The following UGGT1 variants were observed in gnomAD, a reference collection of about 807,000 sequenced individuals.
The protein encoded by UGGT1 is UDP-glucose glycoprotein glucosyltransferase 1, also known as UDP-glucose:glycoprotein glucosyltransferase 1.
In UGGT1, 107 loss-of-function variants were observed where a neutral mutation model predicts 203.9. The ratio of observed to expected loss-of-function variants is 0.52; its 90% CI spans 0.45 to 0.62. UGGT1 has a LOEUF of 0.62. Among genes scored for constraint, UGGT1 ranks in the 20% least tolerant of loss-of-function variants. The pLI, the probability that UGGT1 is intolerant of heterozygous loss-of-function variation, is 0.00. For synonymous variants in UGGT1, 628 were observed against 653.5 expected (o/e 0.96, Z 0.59); for missense variants, 1,673 against 1,867.2 (o/e 0.90, Z 1.92).
chr2:128,172,552 C>T lies in UGGT1; in HGVS notation c.3105-21C>T, dbSNP rs183651644. ...TGTTGTCACATCGAAAATTATCTAA[C>T]ACTTTCCTTTTCAATTTCAGCTTTT... On this transcript the variant is annotated intron_variant, in intron 28 of 40. Transcript: ENST00000259253. The T allele has an allele frequency of 5.9e-5, 95 of 1,612,780 alleles. No individual in the cohort carries two copies. In the East Asian group the frequency reaches 1.7e-3, roughly 28 times the overall value.
intron 19 of UGGT1, among the ~76,000 whole-genome samples, chr2:128,154,649 C>T (rs62160072): frequency 0.13 from 20,404 of 152,186 alleles, 1,767 homozygotes; most frequent in Non-Finnish European, 0.19. Context: ...TTATTTTCTA[C>T]GGTTTTCCTG....
intron 13 of UGGT1, among the ~76,000 whole-genome samples, chr2:128,129,652 G>C (rs1688783510): frequency 6.6e-6 from 1 of 152,046 alleles, no homozygotes; most frequent in Non-Finnish European, 1.5e-5. Context: ...ACCCACCTCT[G>C]CCTCCCAAAG....
chr2:128,093,538 C>T (rs529654553), intron 1 of UGGT1, among the ~76,000 whole-genome samples: 42 of 152,180 alleles, frequency 2.8e-4, no homozygotes, highest in Non-Finnish European at 4.6e-4. Flanking sequence ...CAGGCCTCCT[C>T]CCTTGGTTTC....
At chr2:128,174,492 G>A (rs1011474655) in intron 30 of UGGT1, among the ~76,000 whole-genome samples, 1 of 151,938 alleles carries the variant, frequency 6.6e-6, no homozygotes, top group African/African-American at 2.4e-5. Context: ...GTAGAGATGG[G>A]GTTTCACCAT....
Position 128,170,266 on chromosome 2 carries a change from T to C in UGGT1, c.2922-22T>C, listed in dbSNP as rs750930793. On this transcript the variant is annotated intron_variant, in intron 26 of 40. Coordinates refer to ENST00000259253, the MANE Select transcript of UGGT1 (RefSeq NM_020120.4). Reference sequence around the variant, plus strand: ...GTTTCCTGTGTCCTCCAGGTTAATGTTTTATCCTTGTGATCTTTCAGTGCA... The same window carrying C: ...GTTTCCTGTGTCCTCCAGGTTAATGCTTTATCCTTGTGATCTTTCAGTGCA... 108 of 1,608,870 alleles carry C rather than the reference T, an allele frequency of 6.7e-5. No homozygotes were observed. The Admixed American group carries it at 1.0e-3, about 15-fold the overall frequency.
intron 17 of UGGT1, among the ~76,000 whole-genome samples, chr2:128,143,517 T>G (rs900943983): frequency 6.6e-6 from 1 of 152,244 alleles, no homozygotes; most frequent in Non-Finnish European, 1.5e-5. Flanking sequence ...TGTGGATGAT[T>G]ATGATATCAA....
chr2:128,111,323 C>G (rs1269038174), intron 5 of UGGT1, among the ~76,000 whole-genome samples: 2 of 152,010 alleles, frequency 1.3e-5, no homozygotes, highest in African/African-American at 4.8e-5. Flanking sequence ...CCACTGCACT[C>G]TACCTTGGGC....
At chr2:128,165,369 G>A (rs1196441906) in intron 26 of UGGT1, among the ~76,000 whole-genome samples, 1 of 152,184 alleles carries the variant, frequency 6.6e-6, no homozygotes, top group East Asian at 1.9e-4. Context: ...CTTCCAGCCT[G>A]AGCAACAGAC....
At chr2:128,138,509 C>G (rs1437918617) in intron 15 of UGGT1, among the ~76,000 whole-genome samples, 3 of 147,836 alleles carry the variant, frequency 2.0e-5, no homozygotes, top group Non-Finnish European at 4.5e-5. Flanking sequence ...GAGTGAAACT[C>G]TGTCTAAAAA....
At chr2:128,124,068 C>T (rs889476970) in intron 11 of UGGT1, among the ~76,000 whole-genome samples, 3 of 152,164 alleles carry the variant, frequency 2.0e-5, no homozygotes, top group African/African-American at 7.2e-5. Context: ...TCCTCAGCCT[C>T]CCAAGTAGCT....
rs201302128 is a variant in UGGT1 at position 128,095,340 on chromosome 2, GTTC to G, written c.59-2078_59-2076del. 4.9e-3 allele frequency among the ~76,000 whole-genome samples: 740 copies of G among 150,936 alleles called. 5 individuals are homozygous for G. Among genetic ancestry groups the G allele is most frequent in the African/African-American group, 0.016 (628 of 40,456 alleles). On this transcript the variant is annotated intron_variant, in intron 1 of 40. Coordinates refer to ENST00000259253, the MANE Select transcript of UGGT1 (RefSeq NM_020120.4). ...GAGTGTTTTTATTTATAAGTGGGAT[GTTC>G]TTCTTCTTCTCCTTCCTCTTCTTCT...
intron 22 of UGGT1, 94 bp downstream of exon 22, chr2:128,157,440 G>A (rs1015336970): frequency 1.1e-6 from 1 of 939,186 alleles, no homozygotes; most frequent in Admixed American, 2.2e-5. Context: ...AGTGGGAGTT[G>A]GGAGTCCTGC....
intron 18 of UGGT1, among the ~76,000 whole-genome samples, chr2:128,146,728 G>C (rs1239128054): frequency 6.6e-6 from 1 of 152,068 alleles, no homozygotes; most frequent in Admixed American, 6.6e-5. Flanking sequence ...ACATCCAGTA[G>C]CAATTACTCC....
At chr2:128,147,413 C>T (rs1406707603) in intron 18 of UGGT1, among the ~76,000 whole-genome samples, 1 of 152,042 alleles carries the variant, frequency 6.6e-6, no homozygotes, top group Non-Finnish European at 1.5e-5. Flanking sequence ...GACATGGTTT[C>T]TTTTAGTTCT....
At chr2:128,093,877 C>T (rs1686984744) in intron 1 of UGGT1, among the ~76,000 whole-genome samples, 1 of 152,178 alleles carries the variant, frequency 6.6e-6, no homozygotes, top group Non-Finnish European at 1.5e-5. Flanking sequence ...ATGCTGTGCA[C>T]TTTGGTAAAC....
intron 4 of UGGT1, 96 bp from the exon 5 acceptor site, chr2:128,109,538 T>C (rs1687756495): frequency 9.7e-7 from 1 of 1,033,768 alleles, no homozygotes; most frequent in East Asian, 2.5e-5. Flanking sequence ...AACAATGTTG[T>C]TTTGTCATAA....
chr2:128,174,936 C>CTAACTGCCAGGGT, intron 31 of UGGT1, 78 bp downstream of exon 31: 1 of 1,228,410 alleles, frequency 8.1e-7, no homozygotes, highest in Non-Finnish European at 1.1e-6. Context: ...ACTACCCTGG[C>CTAACTGCCAGGGT]AGTTAGCCAG....
intron 39 of UGGT1, 121 bp from the exon 40 acceptor site, chr2:128,187,328 T>A: frequency 9.4e-7 from 1 of 1,060,314 alleles, no homozygotes; most frequent in South Asian, 1.8e-5. Flanking sequence ...TGGTAGTATA[T>A]CATTTGGTTC....
At chr2:128,102,424 G>A (rs536899113) in intron 2 of UGGT1, among the ~76,000 whole-genome samples, 7 of 152,260 alleles carry the variant, frequency 4.6e-5, no homozygotes, top group South Asian at 2.1e-4. Context: ...GATTACAGGC[G>A]TGAGCCACGG....
Sources: allele counts gnomAD v4.1 joint callset (sites outside exome capture counted in the v4.1 genomes callset), GRCh38; gene constraint gnomAD v4.1.1; transcripts MANE v1.5; gene names NCBI Gene and HGNC (gene_info 2026-07-23, HGNC 2026-07-21).